The following PLCE1 variants were observed in gnomAD, a reference collection of about 807,000 sequenced individuals.
PLCE1 encodes the protein 1-phosphatidylinositol 4,5-bisphosphate phosphodiesterase epsilon-1.
A neutral mutation model predicts 242.8 loss-of-function variants in PLCE1; 119 were observed. The ratio of observed to expected loss-of-function variants is 0.49; its 90% confidence interval spans 0.42 to 0.57. The LOEUF (loss-of-function observed/expected upper bound fraction) is 0.57. Among genes scored for constraint, PLCE1 ranks in the 20% least tolerant of loss-of-function variants. The probability of loss-of-function intolerance (pLI) is 0.00; values close to 1 mark genes in which losing one functional copy is unlikely to be tolerated. For missense variants in PLCE1, 2,441 were observed against 2,788.8 expected, an observed-to-expected ratio of 0.88 and a Z score of 2.81; for synonymous variants, 945 against 1,017.4, an observed-to-expected ratio of 0.93 and a Z score of 1.35.
chr10:94,145,701 T>C (rs1028568290), intron 3 of PLCE1, among the ~76,000 whole-genome samples: 4 of 152,038 alleles, frequency 2.6e-5, no homozygotes, highest in Admixed American at 6.6e-5. Context: ...CCTGTTCAGC[T>C]CTAGCCTCAT....
chr10:94,178,061 C>G (rs2048179342), intron 4 of PLCE1, among the ~76,000 whole-genome samples: 1 of 152,084 alleles, frequency 6.6e-6, no homozygotes, highest in Non-Finnish European at 1.5e-5. Context: ...GGTTGGAACC[C>G]TTCATTGCAT....
At chr10:94,062,710 G>C (rs912037495) in intron 2 of PLCE1, among the ~76,000 whole-genome samples, 36 of 151,700 alleles carry the variant, frequency 2.4e-4, no homozygotes, top group African/African-American at 8.7e-4. Flanking sequence ...TCAGTTGCTG[G>C]AAGATTGTTC....
intron 5 of PLCE1, among the ~76,000 whole-genome samples, chr10:94,233,167 T>C (rs995843950): frequency 5.9e-5 from 9 of 152,246 alleles, no homozygotes; most frequent in Non-Finnish European, 7.3e-5. Flanking sequence ...CATTGTCATC[T>C]GTGGGTCTCA....
Position 94,226,831 on chromosome 10 carries a change from CTT to C in PLCE1, c.1810-450_1810-449del, listed in dbSNP as rs1177112312. Among the ~76,000 whole-genome samples the C allele has an allele frequency of 1.3e-3, 130 of 101,760 alleles. 1 individual carries two copies. The highest frequency in any genetic ancestry group is 2.0e-3 in the Admixed American group (19 of 9,570). The allele number at this position is 101,760 out of a possible 152,430, so 66.8% of individuals were successfully genotyped here. A position where few individuals can be genotyped will look rare whatever the true frequency, so the allele number is the denominator to read the frequency against. On this transcript the variant is annotated intron_variant, in intron 4 of 32. Transcript: ENST00000371380. ...TATAAGAGATTAAGGACCTATAGGT[CTT>C]TTTTTTTTTTTTTTTTTTTTTTTTG... is the stretch of plus-strand genomic sequence containing the variant.
At chr10:94,254,746 C>A in intron 10 of PLCE1, 147 bp from the exon 11 acceptor site, 1 of 861,796 alleles carries the variant, frequency 1.2e-6, no homozygotes, top group South Asian at 1.4e-5. Context: ...TTAGCCCATT[C>A]ATAAAGATAT....
intron 29 of PLCE1, among the ~76,000 whole-genome samples, chr10:94,319,864 C>CCTTTTTTTTTTTTT: frequency 1.1e-5 from 1 of 92,914 alleles, no homozygotes; most frequent in Non-Finnish European, 2.2e-5. Flanking sequence ...CAAAGGTGCT[C>CCTTTTTTTTTTTTT]TTTTTTTTTT....
intron 2 of PLCE1, chr10:94,104,762 C>CTAAAAA (rs1380622526): frequency 6.6e-6 from 1 of 152,176 alleles, no homozygotes; most frequent in Non-Finnish European, 1.5e-5. Context: ...ACCTCTCACT[C>CTAAAAA]TAAAAATAAG....
chr10:94,255,160 A>G, intron 11 of PLCE1, 111 bp downstream of exon 11: 1 of 1,362,950 alleles, frequency 7.3e-7, no homozygotes, highest in Non-Finnish European at 1.0e-6. Flanking sequence ...TTTGATGTAT[A>G]GTTGAACTGA....
intron 14 of PLCE1, 21 bp from the exon 15 acceptor site, chr10:94,265,626 T>A: frequency 6.3e-7 from 1 of 1,599,292 alleles, no homozygotes; most frequent in African/African-American, 1.4e-5. Context: ...AAATAACACT[T>A]TTTTTTTTAA....
rs752503419 is a variant in PLCE1 at position 94,324,453 on chromosome 10, T to C, written c.6606T>C (p.Thr2202=). The C allele has an allele frequency of 6.2e-7, 1 of 1,614,150 alleles. No homozygotes were observed. The highest frequency in any genetic ancestry group is 8.5e-7 in the Non-Finnish European group (1 of 1,180,000). ...EVVKDTTNKK[T]TTPKSSQRVL... ...TGAAAGACACTACCAACAAGAAGAC[T>C]ACCACACCAAAGTCCTCTCAGCGGG... Residue 2202 remains threonine, a synonymous_variant, in exon 31 of 33, where the codon ACT becomes ACC. Coordinates refer to ENST00000371380, the MANE Select transcript of PLCE1 (RefSeq NM_016341.4).
intron 23 of PLCE1, among the ~76,000 whole-genome samples, chr10:94,294,392 A>T (rs2052737866): frequency 1.3e-5 from 2 of 152,218 alleles, no homozygotes; most frequent in Non-Finnish European, 2.9e-5. Flanking sequence ...TATTCTCCAG[A>T]AGTAACCACT....
intron 11 of PLCE1, among the ~76,000 whole-genome samples, chr10:94,255,880 A>T (rs1009683349): frequency 4.3e-5 from 3 of 70,058 alleles, no homozygotes; most frequent in African/African-American, 6.2e-5. Context: ...ACTTTATCTC[A>T]CACACACACA....
At chr10:94,151,616 T>C (rs574714217) in intron 3 of PLCE1, among the ~76,000 whole-genome samples, 4 of 152,290 alleles carry the variant, frequency 2.6e-5, no homozygotes, top group Non-Finnish European at 4.4e-5. Flanking sequence ...AGCCATCTGC[T>C]TAACTGCGAT....
At position 94,032,058 on chromosome 10, in the gene PLCE1, A is replaced by T; in HGVS notation, c.1012A>T (p.Lys338Ter). 6.2e-7 allele frequency: 1 copy of T among 1,613,358 alleles called. No homozygotes were observed. Among genetic ancestry groups the T allele is most frequent in the Non-Finnish European group, 8.5e-7 (1 of 1,179,726 alleles). Residue 338 changes from lysine (K) to a stop codon, truncating the protein, a stop_gained, in exon 2 of 33, where the codon AAA becomes TAA. Coordinates refer to ENST00000371380, the MANE Select transcript of PLCE1 (RefSeq NM_016341.4). LOFTEE classifies it high-confidence loss of function. The stretch of plus-strand genomic sequence containing the variant: ...CTGTAAAAATGACAGAGAAGTTAAG[A>T]AATCTGTGTATACTGGAACAAGAGC... The part of the protein sequence containing the change: ...RFCKNDREVK[K>*]SVYTGTRAIV...
In PLCE1 at chr10:94,070,633, C is replaced by A. The variant is rs771918069; in HGVS notation, c.1206+38381C>A. 2.0e-5 allele frequency among the ~76,000 whole-genome samples: 3 copies of A among 152,182 alleles called. No individual in the cohort carries two copies. The South Asian group carries it at 6.2e-4, about 31-fold the overall frequency. On this transcript the variant is annotated intron_variant, in intron 2 of 32. Coordinates refer to ENST00000371380, the MANE Select transcript of PLCE1 (RefSeq NM_016341.4). Reference sequence around the variant, plus strand: ...TCAAGGCATTTTCAGCATGGAGATACGCTTTTTGAGCAAAACTTCCAAGCC... The same window carrying A: ...TCAAGGCATTTTCAGCATGGAGATAAGCTTTTTGAGCAAAACTTCCAAGCC...
intron 30 of PLCE1, among the ~76,000 whole-genome samples, chr10:94,322,727 G>C (rs752970737): frequency 6.6e-6 from 1 of 151,946 alleles, no homozygotes; most frequent in African/African-American, 2.4e-5. Context: ...AGAGGTTGCA[G>C]TGAGCCGAGA....
At chr10:94,112,709 C>T (rs796995601) in intron 2 of PLCE1, among the ~76,000 whole-genome samples, 19 of 152,260 alleles carry the variant, frequency 1.2e-4, no homozygotes, top group African/African-American at 2.4e-4. Flanking sequence ...TTGTTCCCCA[C>T]GTGACTCTAA....
intron 2 of PLCE1, among the ~76,000 whole-genome samples, chr10:94,064,261 G>A (rs569910804): frequency 3.3e-5 from 5 of 152,244 alleles, no homozygotes; most frequent in South Asian, 2.1e-4. Flanking sequence ...AATTAAGAGC[G>A]TGAGCTTTGT....
intron 2 of PLCE1, among the ~76,000 whole-genome samples, chr10:94,093,934 C>CTTTTTTTTTGTTT (rs2045185826): frequency 1.3e-5 from 1 of 79,192 alleles, no homozygotes; most frequent in African/African-American, 5.5e-5. Context: ...ATCGGTATTT[C>CTTTTTTTTTGTTT]TTTTTTTTTT....
Sources: allele counts gnomAD v4.1 joint callset (sites outside exome capture counted in the v4.1 genomes callset), GRCh38; gene constraint gnomAD v4.1.1; transcripts MANE v1.5; gene names NCBI Gene and HGNC (gene_info 2026-07-23, HGNC 2026-07-21).